The following RNF4 variants were observed in gnomAD, a reference collection of about 807,000 sequenced individuals.
RNF4 encodes E3 ubiquitin-protein ligase RNF4.
Under a neutral mutation model 24.3 loss-of-function variants are expected in RNF4, and 7 were observed. The observed-to-expected ratio is 0.29, with a 90% CI of 0.16 to 0.54. The LOEUF (loss-of-function observed/expected upper bound fraction) is 0.54, where lower values mean the gene tolerates loss of function less well. Among genes scored for constraint, RNF4 ranks in the 20% least tolerant of loss-of-function variants. RNF4 has a pLI of 0.95. For synonymous variants in RNF4, 83 were observed against 84.3 expected (o/e 0.98, Z 0.09); for missense variants, 209 against 248.5 (o/e 0.84, Z 1.07).
intron 4 of RNF4, among the ~76,000 whole-genome samples, chr4:2,504,748 G>A (rs1383935622): frequency 5.9e-5 from 2 of 33,834 alleles, no homozygotes; most frequent in African/African-American, 2.9e-4. Flanking sequence ...TTTTTTTTTT[G>A]AGACAGAGTC....
chr4:2,495,668 T>A (rs1735715038), intron 2 of RNF4, among the ~76,000 whole-genome samples: 1 of 151,308 alleles, frequency 6.6e-6, no homozygotes, highest in African/African-American at 2.4e-5. Context: ...GATTTACTCT[T>A]GTTGCCCAGG....
intron 4 of RNF4, among the ~76,000 whole-genome samples, chr4:2,509,451 C>T (rs974599579): frequency 1.4e-4 from 21 of 152,256 alleles, no homozygotes; most frequent in East Asian, 1.2e-3. Context: ...CTCCTGACCT[C>T]GAGTGATCCG....
chr4:2,473,056 A>AAT (rs1197863747), intron 1 of RNF4, among the ~76,000 whole-genome samples: 1 of 150,938 alleles, frequency 6.6e-6, no homozygotes, highest in Non-Finnish European at 1.5e-5. Context: ...GAAAAAAAAA[A>AAT]AGAATATTTG....
intron 1 of RNF4, among the ~76,000 whole-genome samples, chr4:2,485,174 C>T (rs147033343): frequency 1.3e-5 from 2 of 152,268 alleles, no homozygotes; most frequent in South Asian, 2.1e-4. Context: ...GCTGGGACTG[C>T]GACTCCTTTG....
At chr4:2,506,897 G>C (rs1341244251) in intron 4 of RNF4, among the ~76,000 whole-genome samples, 1 of 152,164 alleles carries the variant, frequency 6.6e-6, no homozygotes, top group African/African-American at 2.4e-5. Context: ...AGCATTTTCA[G>C]TATGCCAGTC....
intron 3 of RNF4, chr4:2,499,215 G>T: frequency 7.4e-6 from 3 of 404,260 alleles, no homozygotes; most frequent in Admixed American, 5.9e-5. Flanking sequence ...AAAGTTAAAT[G>T]CATTACAAGA....
At chr4:2,469,634 C>G (rs988436774) in intron 1 of RNF4, 7 of 152,226 alleles carry the variant, frequency 4.6e-5, no homozygotes, top group Non-Finnish European at 1.0e-4. Flanking sequence ...GTTTTTGTTC[C>G]CCGCTGACGA....
chr4:2,505,412 G>C (rs186292830), intron 4 of RNF4: 3 of 150,290 alleles, frequency 2.0e-5, no homozygotes, highest in Admixed American at 6.7e-5. Flanking sequence ...TGCCAGCTCC[G>C]CCTCCTGGGT....
chr4:2,474,584 A>C (rs929202743), intron 1 of RNF4, among the ~76,000 whole-genome samples: 1 of 152,218 alleles, frequency 6.6e-6, no homozygotes, highest in African/African-American at 2.4e-5. Flanking sequence ...CTTAGTTAAT[A>C]AAACAGTGGC....
In RNF4 at chr4:2,514,872, G is replaced by GT. The variant is rs1446467255; in HGVS notation, c.*1056dup. On this transcript the variant is annotated 3_prime_UTR_variant, in exon 8 of 8. Coordinates refer to ENST00000314289, the MANE Select transcript of RNF4 (RefSeq NM_002938.5). ...TTCTCATCCTTCCCAACCCAGTGCC[G>GT]TTTATTTCAGAAGCTTCCTGGCCAC... The GT allele has an allele frequency of 6.6e-6, 1 of 152,594 alleles. No individual in the cohort carries two copies. The highest frequency in any genetic ancestry group is 1.5e-5 in the Non-Finnish European group (1 of 68,086). 9.5% of individuals were successfully genotyped at this position (152,594 alleles called of 1,614,324 possible).
At chr4:2,489,604 C>T (rs1486653112) in intron 1 of RNF4, among the ~76,000 whole-genome samples, 1 of 152,196 alleles carries the variant, frequency 6.6e-6, no homozygotes. Flanking sequence ...TAATCTAAGC[C>T]ACTAGCACCC....
chr4:2,470,753 G>A (rs1446617229), intron 1 of RNF4, among the ~76,000 whole-genome samples: 1 of 151,974 alleles, frequency 6.6e-6, no homozygotes, highest in East Asian at 1.9e-4. Context: ...GTAAACAGTC[G>A]TGGTCCTCCT....
At chr4:2,498,388 A>T (rs939500209) in intron 3 of RNF4, among the ~76,000 whole-genome samples, 3 of 151,812 alleles carry the variant, frequency 2.0e-5, no homozygotes, top group Non-Finnish European at 4.4e-5. Context: ...GGGTTTCACC[A>T]TGTCAGTCAG....
chr4:2,488,085 C>T (rs1027855325), intron 1 of RNF4, among the ~76,000 whole-genome samples: 1 of 152,224 alleles, frequency 6.6e-6, no homozygotes, highest in Non-Finnish European at 1.5e-5. Context: ...AGATTCTGCA[C>T]AGAGGCTGTG....
chr4:2,513,527 T>TC, intron 7 of RNF4, 143 bp from the exon 8 acceptor site: 2 of 931,414 alleles, frequency 2.1e-6, no homozygotes. Context: ...CACAGTTAGC[T>TC]CTCCAGACCC....
In RNF4 at chr4:2,473,012, C is replaced by T. The variant is rs961157416; in HGVS notation, c.-158+3754C>T. Among the ~76,000 whole-genome samples, 6 of 151,874 alleles carry T rather than the reference C, an allele frequency of 4.0e-5. No individual in the cohort carries two copies. In the East Asian group the frequency reaches 1.2e-3, roughly 29 times the overall value. On this transcript the variant is annotated intron_variant, in intron 1 of 7. Coordinates refer to ENST00000314289, the MANE Select transcript of RNF4 (RefSeq NM_002938.5). ...CCAAGATAGCACCACTGCACTCCAG[C>T]CTGGGCAACAGAGCGAGACTCCATC...
chr4:2,484,804 C>G (rs1350677777), intron 1 of RNF4, among the ~76,000 whole-genome samples: 1 of 152,184 alleles, frequency 6.6e-6, no homozygotes, highest in Non-Finnish European at 1.5e-5. Flanking sequence ...CCCCGAGCCT[C>G]ATGGCTTTCT....
intron 4 of RNF4, among the ~76,000 whole-genome samples, chr4:2,501,955 G>A (rs1215610727): frequency 6.6e-6 from 1 of 152,194 alleles, no homozygotes; most frequent in Admixed American, 6.5e-5. Flanking sequence ...GAGATAAGCA[G>A]CAGTGGGTTT....
chr4:2,495,085 AGTGTC>A (rs200579084), intron 2 of RNF4, among the ~76,000 whole-genome samples: 49,537 of 152,220 alleles, frequency 0.33, 9,467 homozygotes, highest in Admixed American at 0.52. Flanking sequence ...CACTGAGGTT[AGTGTC>A]AGCTCCCTTG....
Sources: gnomAD v4.1 joint callset for allele counts (sites outside exome capture counted in the v4.1 genomes callset) on GRCh38, gnomAD v4.1.1 for gene constraint, MANE v1.5 for transcripts, NCBI Gene and HGNC (gene_info 2026-07-23, HGNC 2026-07-21) for gene names.